DOCK8: variants seen among roughly 807,000 people sequenced by gnomAD.
The protein encoded by DOCK8 is dedicator of cytokinesis 8, also known as dedicator of cytokinesis protein 8.
DOCK8 carries 141 observed loss-of-function variants against 245.6 expected under a neutral mutation model. That is an observed-to-expected ratio of 0.57 (90% CI 0.50 to 0.66). DOCK8 has a LOEUF of 0.66. Ranked by LOEUF, DOCK8 falls within the 30% of genes least tolerant of loss-of-function variation. DOCK8 has a pLI of 0.00. For missense variants in DOCK8, 2,965 were observed against 2,603.4 expected, an observed-to-expected ratio of 1.14 and a Z score of -3.02; for synonymous variants, 1,168 against 970.2, an observed-to-expected ratio of 1.20 and a Z score of -3.79.
At chr9:446,219 C>G in intron 43 of DOCK8, 151 bp from the exon 44 acceptor site, 1 of 738,448 alleles carries the variant, frequency 1.4e-6, no homozygotes, top group Non-Finnish European at 2.4e-6. Flanking sequence ...GGAGGAACTT[C>G]TGCTGGCCAC....
chr9:278,148 G>C lies in DOCK8; in HGVS notation c.156+6419G>C, dbSNP rs76797858. Among the ~76,000 whole-genome samples the C allele has an allele frequency of 3.6e-4, 55 of 151,960 alleles. No homozygotes were observed. The East Asian group carries it at 8.5e-3, about 24-fold the overall frequency. ...AAGAGTGGCAGGCATTCTGCACACA[G>C]AGCAGACGTTTCTTTATTGTCATTG... On this transcript the variant is annotated intron_variant, in intron 2 of 47. Coordinates refer to ENST00000432829, the MANE Select transcript of DOCK8 (RefSeq NM_203447.4).
intron 1 of DOCK8, among the ~76,000 whole-genome samples, chr9:248,537 CTTT>C (rs2047566900): frequency 3.2e-5 from 2 of 62,104 alleles, no homozygotes; most frequent in South Asian, 1.2e-3. Flanking sequence ...CTCTCTCTTT[CTTT>C]CTTTCTTTCT....
chr9:301,449 C>T (rs1438449930), intron 4 of DOCK8, among the ~76,000 whole-genome samples: 2 of 152,172 alleles, frequency 1.3e-5, no homozygotes, highest in African/African-American at 2.4e-5. Context: ...ACAAGGATGC[C>T]TACTCTCACC....
At chr9:354,841 A>G (rs2052347887) in intron 14 of DOCK8, among the ~76,000 whole-genome samples, 1 of 152,210 alleles carries the variant, frequency 6.6e-6, no homozygotes, top group Non-Finnish European at 1.5e-5. Context: ...AGAAAGCAAG[A>G]CAGAGGCCAG....
At chr9:358,995 A>G (rs1193228950) in intron 14 of DOCK8, among the ~76,000 whole-genome samples, 2 of 152,212 alleles carry the variant, frequency 1.3e-5, no homozygotes, top group Non-Finnish European at 2.9e-5. Flanking sequence ...TGCTTCTCAA[A>G]CTTGAATGTA....
intron 33 of DOCK8, 47 bp downstream of exon 33, chr9:422,182 C>T (rs1440332958): frequency 6.6e-7 from 1 of 1,522,700 alleles, no homozygotes; most frequent in Non-Finnish European, 9.1e-7. Flanking sequence ...AAGTCCAAAA[C>T]TATTTTTCCC....
At chr9:311,731 A>G (rs1237946033) in intron 5 of DOCK8, among the ~76,000 whole-genome samples, 1 of 152,206 alleles carries the variant, frequency 6.6e-6, no homozygotes, top group African/African-American at 2.4e-5. Flanking sequence ...TAAGATGAGT[A>G]ACTACCTGCT....
intron 14 of DOCK8, 110 bp downstream of exon 14, chr9:340,431 G>C (rs2051527436): frequency 7.3e-7 from 1 of 1,367,170 alleles, no homozygotes; most frequent in Middle Eastern, 2.3e-4. Flanking sequence ...GACCAGCCTT[G>C]GCAACATGGC....
chr9:416,025 C>G (rs1217924114), intron 29 of DOCK8, among the ~76,000 whole-genome samples: 1 of 152,066 alleles, frequency 6.6e-6, no homozygotes, highest in African/African-American at 2.4e-5. Context: ...AGCAAGTATT[C>G]CTGTGGAAGT....
intron 7 of DOCK8, among the ~76,000 whole-genome samples, chr9:323,314 C>T (rs1304909315): frequency 2.7e-5 from 4 of 149,482 alleles, no homozygotes; most frequent in Admixed American, 6.7e-5. Flanking sequence ...ACTTCTGCCT[C>T]CCAGGTTCAA....
chr9:369,246 C>G (rs1448867443), intron 15 of DOCK8: 1 of 152,204 alleles, frequency 6.6e-6, no homozygotes, highest in Non-Finnish European at 1.5e-5. Context: ...CGGTGGGGTC[C>G]TCTTAGTCCT....
chr9:407,053 G>T lies in DOCK8; in HGVS notation c.3514G>T (p.Asp1172Tyr). 6.2e-7 allele frequency: 1 copy of T among 1,614,108 alleles called. No homozygotes were observed. The highest frequency in any genetic ancestry group is 1.1e-5 in the South Asian group (1 of 91,072). ...LLFTELAAALDAEGEGISKVQ... is the reference protein window; with the variant it reads ...LLFTELAAALYAEGEGISKVQ... ...CTTCACAGAACTGGCTGCTGCCCTG[G>T]ATGCCGAAGGGGAAGGGTATGTTTC... The change falls in exon 28 of 48, where the codon GAT (aspartate) becomes TAT (tyrosine). Residue 1172 changes from aspartate to tyrosine, a missense_variant. Transcript: ENST00000432829.
At position 339,033 on chromosome 9, in the gene DOCK8, T is replaced by G. The variant is rs748775332; in HGVS notation, c.1450T>G (p.Leu484Val). 2 of 1,614,150 alleles carry G rather than the reference T, an allele frequency of 1.2e-6. No individual in the cohort carries two copies. Among genetic ancestry groups the G allele is most frequent in the Non-Finnish European group, 1.7e-6 (2 of 1,180,022 alleles). The change falls in exon 13 of 48, where the codon TTA (leucine) becomes GTA (valine). Residue 484 changes from leucine (L) to valine (V), a missense_variant. Leu to Val is a conservative substitution (Grantham distance 32). Transcript: ENST00000432829. ...QEGDRLSDEDLFKFLADYKRS... is the reference protein window; with the variant it reads ...QEGDRLSDEDVFKFLADYKRS... ...AGGAGATCGCCTTAGCGATGAAGAC[T>G]TATTCAAGTTTTTAGCTGACTACAA...
At chr9:328,596 G>C (rs1196552714) in intron 9 of DOCK8, among the ~76,000 whole-genome samples, 1 of 152,162 alleles carries the variant, frequency 6.6e-6, no homozygotes, top group Non-Finnish European at 1.5e-5. Context: ...TGTGGAGAAA[G>C]GAACAAAATC....
At chr9:326,065 C>T (rs972925226) in intron 8 of DOCK8, among the ~76,000 whole-genome samples, 1 of 152,204 alleles carries the variant, frequency 6.6e-6, no homozygotes, top group Non-Finnish European at 1.5e-5. Flanking sequence ...GTAAAGCTTC[C>T]TCAGTTTGAG....
chr9:411,960 A>G (rs542170525), intron 28 of DOCK8, among the ~76,000 whole-genome samples: 1 of 152,228 alleles, frequency 6.6e-6, no homozygotes, highest in African/African-American at 2.4e-5. Context: ...AAGGGCCTCT[A>G]TGAAAAATCC....
intron 1 of DOCK8, among the ~76,000 whole-genome samples, chr9:217,555 G>A (rs1013191256): frequency 2.0e-5 from 3 of 152,162 alleles, no homozygotes; most frequent in Admixed American, 6.5e-5. Flanking sequence ...TTGGAAATTC[G>A]TATTCTTAGA....
At chr9:347,346 C>T (rs1373474490) in intron 14 of DOCK8, among the ~76,000 whole-genome samples, 1 of 151,814 alleles carries the variant, frequency 6.6e-6, no homozygotes, top group Non-Finnish European at 1.5e-5. Context: ...TCTACAACAA[C>T]AACAAAAAAA....
At chr9:295,151 TTC>T (rs1185500956) in intron 4 of DOCK8, among the ~76,000 whole-genome samples, 2 of 150,480 alleles carry the variant, frequency 1.3e-5, no homozygotes, top group Non-Finnish European at 3.0e-5. Context: ...CAAAGTGAGA[TTC>T]TGTCTTAAAA....
Sources: gnomAD v4.1 joint callset for allele counts (sites outside exome capture counted in the v4.1 genomes callset) on GRCh38, gnomAD v4.1.1 for gene constraint, MANE v1.5 for transcripts, NCBI Gene and HGNC (gene_info 2026-07-23, HGNC 2026-07-21) for gene names.